MGAT4C: variants seen among roughly 807,000 people sequenced by gnomAD.
MGAT4C encodes alpha-1,3-mannosyl-glycoprotein 4-beta-N-acetylglucosaminyltransferase C.
A neutral mutation model predicts 40.1 loss-of-function variants in MGAT4C; 19 were observed. The ratio of observed to expected loss-of-function variants is 0.47; its 90% CI spans 0.33 to 0.70. MGAT4C has a LOEUF of 0.70. Among genes scored for constraint, MGAT4C ranks in the 30% least tolerant of loss-of-function variants. The probability of loss-of-function intolerance (pLI) is 0.02; values close to 1 mark genes in which losing one functional copy is unlikely to be tolerated. For missense variants in MGAT4C, 491 were observed against 563.2 expected, an observed-to-expected ratio of 0.87 and a Z score of 1.30; for synonymous variants, 181 against 187.1, an observed-to-expected ratio of 0.97 and a Z score of 0.27.
intron 2 of MGAT4C, among the ~76,000 whole-genome samples, chr12:86,508,552 A>G (rs1958513594): frequency 6.6e-6 from 1 of 152,120 alleles, no homozygotes; most frequent in South Asian, 2.1e-4. Context: ...AGCATGATTT[A>G]TACTCCTTTG....
rs144022782 is a variant in MGAT4C, at chr12:86,397,921, C to T, written c.-120+37236G>A. The stretch of plus-strand genomic sequence containing the variant: ...GAAGCTGCAGTGAGCTATGATCACA[C>T]CACTGCACTGCAGCCTGAGTGACAG... On this transcript the variant is annotated intron_variant, in intron 3 of 7. Transcript: ENST00000548651. Among the ~76,000 whole-genome samples the T allele has an allele frequency of 4.7e-3, 717 of 152,190 alleles. 4 individuals carry two copies. Among genetic ancestry groups the T allele is most frequent in the Non-Finnish European group, 5.5e-3 (376 of 68,014 alleles).
intron 1 of MGAT4C, among the ~76,000 whole-genome samples, chr12:86,108,805 T>C (rs1876686478): frequency 6.6e-6 from 1 of 152,148 alleles, no homozygotes; most frequent in South Asian, 2.1e-4. Context: ...TTATAACCTG[T>C]TGAATATGTA....
intron 3 of MGAT4C, among the ~76,000 whole-genome samples, chr12:86,414,920 A>G (rs1199252730): frequency 6.6e-6 from 1 of 152,102 alleles, no homozygotes; most frequent in Non-Finnish European, 1.5e-5. Flanking sequence ...CTGCAAAACA[A>G]GTTTAACTCA....
chr12:86,310,718 T>C (rs1309325346), intron 4 of MGAT4C, among the ~76,000 whole-genome samples: 2 of 151,956 alleles, frequency 1.3e-5, no homozygotes, highest in Non-Finnish European at 2.9e-5. Flanking sequence ...GGTCAGGAGT[T>C]CGAAACCAGC....
At chr12:86,276,248 GTACTT>G (rs1953079042) in intron 4 of MGAT4C, among the ~76,000 whole-genome samples, 1 of 152,002 alleles carries the variant, frequency 6.6e-6, no homozygotes, top group South Asian at 2.1e-4. Context: ...TGAAAAATAT[GTACTT>G]TACAAGATGA....
chr12:86,341,712 T>C (rs1592717511), intron 3 of MGAT4C, among the ~76,000 whole-genome samples: 1 of 152,134 alleles, frequency 6.6e-6, no homozygotes, highest in Non-Finnish European at 1.5e-5. Context: ...CCAGGGCAGA[T>C]GGGATCCCCC....
chr12:86,611,586 A>G (rs1209241890), intron 2 of MGAT4C, among the ~76,000 whole-genome samples: 1 of 152,102 alleles, frequency 6.6e-6, no homozygotes, highest in East Asian at 1.9e-4. Context: ...TCCTTCAGCA[A>G]TTTGTAGTAC....
intron 1 of MGAT4C, among the ~76,000 whole-genome samples, chr12:86,747,643 T>C (rs1210785468): frequency 6.6e-6 from 1 of 151,654 alleles, no homozygotes; most frequent in Non-Finnish European, 1.5e-5. Flanking sequence ...AGTTTTCTCT[T>C]AGTTAATATA....
chr12:86,257,807 G>A (rs1254300341), upstream of MGAT4C, among the ~76,000 whole-genome samples: 2 of 152,128 alleles, frequency 1.3e-5, no homozygotes, highest in Non-Finnish European at 2.9e-5. Context: ...ATGGGAGCAA[G>A]AGTTCTAGAC....
intron 1 of MGAT4C, among the ~76,000 whole-genome samples, chr12:86,126,548 T>C (rs1044460593): frequency 8.5e-5 from 13 of 152,170 alleles, no homozygotes; most frequent in African/African-American, 3.1e-4. Context: ...GTTTCTGACA[T>C]TGTGATAAAA....
intron 1 of MGAT4C, among the ~76,000 whole-genome samples, chr12:86,108,677 T>C (rs1036958460): frequency 2.0e-5 from 3 of 152,126 alleles, no homozygotes; most frequent in African/African-American, 4.8e-5. Context: ...TAGGGCCTAA[T>C]TGTAGTATAT....
rs528788249 is a variant in MGAT4C, at chr12:86,025,248, A to G, written c.-7+24426T>C. Among the ~76,000 whole-genome samples, 41 of 151,812 alleles carry G rather than the reference A, an allele frequency of 2.7e-4. No homozygotes were observed. In the East Asian group the frequency reaches 7.5e-3, roughly 28 times the overall value. On this transcript the variant is annotated intron_variant, in intron 2 of 4. Transcript: ENST00000611864. The stretch of plus-strand genomic sequence containing the variant: ...TTTGAGAGCATAATAAAAATCTGCA[A>G]TGAAAAACTCTTTTTAGAAAGAAAT...
chr12:86,763,464 T>C (rs893772842), intron 1 of MGAT4C, among the ~76,000 whole-genome samples: 1 of 152,208 alleles, frequency 6.6e-6, no homozygotes, highest in East Asian at 1.9e-4. Context: ...TGGATTTTAA[T>C]TAGTTTTCTT....
At chr12:86,348,242 G>A (rs1243282717) in intron 3 of MGAT4C, among the ~76,000 whole-genome samples, 1 of 151,982 alleles carries the variant, frequency 6.6e-6, no homozygotes, top group Non-Finnish European at 1.5e-5. Context: ...GTTCATAGAG[G>A]ACTCAAATAC....
intron 2 of MGAT4C, among the ~76,000 whole-genome samples, chr12:85,997,253 G>A (rs923390891): frequency 5.3e-5 from 8 of 152,132 alleles, no homozygotes; most frequent in African/African-American, 1.9e-4. Flanking sequence ...AGAAAGACCT[G>A]CCTCTGTGAT....
intron 1 of MGAT4C, among the ~76,000 whole-genome samples, chr12:86,822,976 A>C (rs923991173): frequency 2.0e-5 from 3 of 151,204 alleles, no homozygotes; most frequent in Non-Finnish European, 4.4e-5. Context: ...ATCACAATAG[A>C]ATTTTAGAAA....
At position 86,485,970 on chromosome 12, in the gene MGAT4C, C is replaced by T. The variant is rs143466346; in HGVS notation, c.-228-50705G>A. Among the ~76,000 whole-genome samples, 500 of 152,164 alleles carry T rather than the reference C, an allele frequency of 3.3e-3. 6 individuals carry two copies. Among genetic ancestry groups the T allele is most frequent in the South Asian group, 0.013 (61 of 4,818 alleles). On this transcript the variant is annotated intron_variant, in intron 2 of 7. Transcript: ENST00000548651. ...TTCCAACCATAAATTTTATATCCCA[C>T]CAAACTAAGCCTCATAAAGGAAAGA... is the stretch of plus-strand genomic sequence containing the variant.
At chr12:86,250,893 G>A (rs1259364704) in intron 1 of MGAT4C, among the ~76,000 whole-genome samples, 2 of 151,936 alleles carry the variant, frequency 1.3e-5, no homozygotes, top group Non-Finnish European at 2.9e-5. Flanking sequence ...AATTGTGTTT[G>A]TACTATACCA....
chr12:86,169,197 T>G (rs763747436), intron 1 of MGAT4C, among the ~76,000 whole-genome samples: 2 of 152,118 alleles, frequency 1.3e-5, no homozygotes, highest in African/African-American at 4.8e-5. Context: ...CTTGACACCA[T>G]GAAAGAATGA....
Sources: gnomAD v4.1 joint callset for allele counts (sites outside exome capture counted in the v4.1 genomes callset) on GRCh38, gnomAD v4.1.1 for gene constraint, MANE v1.5 for transcripts, NCBI Gene and HGNC (gene_info 2026-07-23, HGNC 2026-07-21) for gene names.